STT3B: variants seen among roughly 807,000 people sequenced by gnomAD.
STT3B encodes STT3 oligosaccharyltransferase complex catalytic subunit B.
STT3B carries 29 observed loss-of-function variants against 96.8 expected under a neutral mutation model. The observed-to-expected ratio is 0.30, with a 90% confidence interval of 0.22 to 0.41. STT3B has a LOEUF of 0.41. Among genes scored for constraint, STT3B ranks in the 10% least tolerant of loss-of-function variants. STT3B has a pLI of 1.00. For synonymous variants in STT3B, 367 were observed against 360.0 expected (o/e 1.02, Z -0.22); for missense variants, 640 against 1,022.3 (o/e 0.63, Z 5.10).
intron 4 of STT3B, among the ~76,000 whole-genome samples, chr3:31,598,974 T>G (rs976290904): frequency 6.6e-6 from 1 of 152,002 alleles, no homozygotes; most frequent in African/African-American, 2.4e-5. Flanking sequence ...CATGCCTGGC[T>G]GATTTTTGTA....
chr3:31,625,853 C>A, intron 12 of STT3B, 101 bp from the exon 13 acceptor site: 1 of 1,150,238 alleles, frequency 8.7e-7, no homozygotes, highest in Non-Finnish European at 1.2e-6. Context: ...CCATGTAAAA[C>A]AAACTCTTGA....
intron 3 of STT3B, among the ~76,000 whole-genome samples, chr3:31,594,028 G>A (rs1490314064): frequency 6.6e-6 from 1 of 152,166 alleles, no homozygotes; most frequent in South Asian, 2.1e-4. Flanking sequence ...TAGCTTATCC[G>A]AACATGCAAT....
At chr3:31,595,102 G>A (rs537402320) in intron 3 of STT3B, among the ~76,000 whole-genome samples, 1 of 152,226 alleles carries the variant, frequency 6.6e-6, no homozygotes, top group Admixed American at 6.5e-5. Flanking sequence ...ACCCAGCAAA[G>A]TCTATCTGTT....
At chr3:31,595,591 T>C (rs568031607) in intron 3 of STT3B, among the ~76,000 whole-genome samples, 1 of 152,326 alleles carries the variant, frequency 6.6e-6, no homozygotes, top group South Asian at 2.1e-4. Context: ...TCATCAATCC[T>C]AAAATGTATA....
chr3:31,543,032 C>T (rs1697316268), intron 1 of STT3B, among the ~76,000 whole-genome samples: 1 of 129,442 alleles, frequency 7.7e-6, no homozygotes, highest in Non-Finnish European at 1.5e-5. Flanking sequence ...CGCCACTGCA[C>T]TCCAGACTGG....
At chr3:31,606,780 C>T (rs143136944) in intron 5 of STT3B, among the ~76,000 whole-genome samples, 7 of 152,318 alleles carry the variant, frequency 4.6e-5, no homozygotes, top group African/African-American at 1.2e-4. Flanking sequence ...AGAGAGCTAC[C>T]GTCTTCCAGA....
chr3:31,632,436 A>G (rs534745139), intron 14 of STT3B, among the ~76,000 whole-genome samples: 130 of 152,344 alleles, frequency 8.5e-4, no homozygotes, highest in African/African-American at 2.9e-3. Context: ...TAAAAGAACA[A>G]GATGCTATGA....
At chr3:31,606,483 G>T (rs1699056666) in intron 5 of STT3B, among the ~76,000 whole-genome samples, 1 of 135,708 alleles carries the variant, frequency 7.4e-6, no homozygotes, top group Admixed American at 8.0e-5. Context: ...GCTAAAAGGG[G>T]TTAAGGTACA....
At chr3:31,566,420 GTGTA>G (rs928003253) in intron 1 of STT3B, among the ~76,000 whole-genome samples, 29 of 152,134 alleles carry the variant, frequency 1.9e-4, no homozygotes, top group African/African-American at 6.3e-4. Context: ...GCAAAGGAGT[GTGTA>G]TGTGTGTGAT....
At chr3:31,619,361 A>G (rs1274932160) in intron 8 of STT3B, among the ~76,000 whole-genome samples, 1 of 152,236 alleles carries the variant, frequency 6.6e-6, no homozygotes, top group Non-Finnish European at 1.5e-5. Flanking sequence ...TGATGCAAAC[A>G]TGAAAAATGC....
chr3:31,635,242 A>G lies in STT3B; in HGVS notation c.2401-742A>G, dbSNP rs182175966. On this transcript the variant is annotated intron_variant, in intron 15 of 15. Transcript: ENST00000295770. The stretch of plus-strand genomic sequence containing the variant: ...TTCAATATCTAGGGCTGTGTGTCAG[A>G]TTGAAAGACATATGTGCCTATAATT... Among the ~76,000 whole-genome samples, 22 of 152,282 alleles carry G rather than the reference A, an allele frequency of 1.4e-4. No homozygotes were observed. The East Asian group carries it at 3.9e-3, about 27-fold the overall frequency.
rs1278916946 is a variant in STT3B, at chr3:31,625,842, T to G, written c.1900-112T>G. On this transcript the variant is annotated intron_variant, in intron 12 of 15. Transcript: ENST00000295770. ...TAGTAAATCATTTCTGCAAAAAAAT[T>G]CCATGTAAAACAAACTCTTGATGAA... is the stretch of plus-strand genomic sequence containing the variant. 2.9e-6 allele frequency: 3 copies of G among 1,022,216 alleles called. No individual in the cohort carries two copies. In the Admixed American group the frequency reaches 8.1e-5, roughly 28 times the overall value. The allele number at this position is 1,022,216 out of a possible 1,614,324, so 63.3% of individuals were successfully genotyped here.
chr3:31,571,464 G>A (rs1279977508), intron 1 of STT3B, among the ~76,000 whole-genome samples: 2 of 151,982 alleles, frequency 1.3e-5, no homozygotes, highest in Admixed American at 1.3e-4. Context: ...CAATTCTCAT[G>A]CCCATCATCT....
intron 5 of STT3B, among the ~76,000 whole-genome samples, chr3:31,612,286 A>G (rs1297417083): frequency 6.6e-6 from 1 of 152,188 alleles, no homozygotes; most frequent in Non-Finnish European, 1.5e-5. Context: ...CAATATGTAA[A>G]CATCTCAGGT....
chr3:31,572,202 T>TTA (rs1305735332), intron 1 of STT3B, among the ~76,000 whole-genome samples: 1 of 144,334 alleles, frequency 6.9e-6, no homozygotes, highest in South Asian at 2.1e-4. Context: ...ATATAATTAA[T>TTA]TATATATATT....
In STT3B at chr3:31,580,733, A is replaced by G. The variant is rs975256609; in HGVS notation, c.711+637A>G. 2.6e-5 allele frequency among the ~76,000 whole-genome samples: 4 copies of G among 152,252 alleles called. 1 individual carries two copies. The highest frequency in any genetic ancestry group is 1.9e-4 in the East Asian group (1 of 5,182). ...ATTGTTCAAAACTACTTGGCTAATG[A>G]GTATTTTTGCTCTAGCATGGAATTC... is the stretch of plus-strand genomic sequence containing the variant. On this transcript the variant is annotated intron_variant, in intron 3 of 15. Transcript: ENST00000295770.
intron 1 of STT3B, among the ~76,000 whole-genome samples, chr3:31,554,690 A>C (rs1206139203): frequency 6.6e-6 from 1 of 152,106 alleles, no homozygotes; most frequent in Admixed American, 6.5e-5. Flanking sequence ...AATAATTTTG[A>C]AATTCTGCAA....
At chr3:31,618,662 T>G (rs185319158) in intron 8 of STT3B, among the ~76,000 whole-genome samples, 31 of 152,134 alleles carry the variant, frequency 2.0e-4, no homozygotes, top group Admixed American at 2.0e-3. Context: ...TGAACAGACA[T>G]GCTTTCTGAT....
intron 1 of STT3B, among the ~76,000 whole-genome samples, chr3:31,545,315 A>T (rs1697378548): frequency 6.6e-6 from 1 of 152,196 alleles, no homozygotes; most frequent in Non-Finnish European, 1.5e-5. Context: ...ACTGCATTTC[A>T]ATGAAGTGTC....
Sources: allele counts gnomAD v4.1 joint callset (sites outside exome capture counted in the v4.1 genomes callset), GRCh38; gene constraint gnomAD v4.1.1; transcripts MANE v1.5; gene names NCBI Gene and HGNC (gene_info 2026-07-23, HGNC 2026-07-21).